Variants in TMEM178A observed in about 807,000 individuals in gnomAD.
TMEM178A encodes the protein transmembrane protein 178.
A neutral mutation model predicts 29.1 loss-of-function variants in TMEM178A; 12 were observed. The ratio of observed to expected loss-of-function variants is 0.41; its 90% CI spans 0.26 to 0.67. TMEM178A has a LOEUF of 0.67. TMEM178A is among the 30% of genes least tolerant of loss of function. The pLI, the probability that TMEM178A is intolerant of heterozygous loss-of-function variation, is 0.29. For missense variants in TMEM178A, 366 were observed against 419.1 expected (o/e 0.87, Z 1.11); for synonymous variants, 210 against 187.2 (o/e 1.12, Z -0.99).
Position 39,666,281 on chromosome 2 carries a change from T to C in TMEM178A, c.307T>C (p.Cys103Arg). The change falls in exon 1 of 4, where the codon TGC becomes CGC. Residue 103 changes from cysteine (C) to arginine (R), a missense_variant. Cys to Arg is a radical substitution (Grantham distance 180, BLOSUM62 -3). This residue lies in a region of TMEM178A where 247 missense variants were observed against 246.8 expected (regional missense o/e 1.00). Transcript: ENST00000281961. ...LLGLGGLDAE[C>R]GRPLFATYSG... ...GGGGCTCGGCGGGCTGGACGCCGAGTGCGGCCGGCCCCTCTTCGCCACCTA... is the reference window on the plus strand; with the variant it reads ...GGGGCTCGGCGGGCTGGACGCCGAGCGCGGCCGGCCCCTCTTCGCCACCTA... 1 of 1,398,842 alleles carries C rather than the reference T, an allele frequency of 7.1e-7. No homozygotes were observed. Among genetic ancestry groups the C allele is most frequent in the Non-Finnish European group, 9.3e-7 (1 of 1,075,534 alleles). 86.7% of individuals were successfully genotyped at this position (1,398,842 alleles called of 1,614,324 possible).
chr2:39,712,527 G>T (rs1465883900), intron 3 of TMEM178A, among the ~76,000 whole-genome samples: 1 of 152,152 alleles, frequency 6.6e-6, no homozygotes, highest in Non-Finnish European at 1.5e-5. Flanking sequence ...TTCTAATTAG[G>T]AATATTGGCA....
intron 3 of TMEM178A, among the ~76,000 whole-genome samples, chr2:39,708,482 G>T (rs1282340174): frequency 7.2e-6 from 1 of 138,318 alleles, no homozygotes; most frequent in Admixed American, 7.9e-5. Flanking sequence ...GCAGTGGCGC[G>T]ATCTCGACTC....
chr2:39,684,423 T>C (rs1670989526), intron 1 of TMEM178A, among the ~76,000 whole-genome samples: 1 of 152,260 alleles, frequency 6.6e-6, no homozygotes, highest in Non-Finnish European at 1.5e-5. Context: ...TCAGTCTTTA[T>C]GCTAATGTAT....
intron 3 of TMEM178A, 84 bp downstream of exon 3, chr2:39,707,270 C>T: frequency 6.9e-7 from 1 of 1,448,462 alleles, no homozygotes; most frequent in Admixed American, 2.7e-5. Flanking sequence ...TTTGTTATCT[C>T]CCTGTTAATT....
chr2:39,726,120 T>C, the TMEM178A span, among the ~76,000 whole-genome samples: 1 of 152,328 alleles, frequency 6.6e-6, no homozygotes, highest in Non-Finnish European at 1.5e-5. Context: ...TTGTTCTTTT[T>C]TCCTTTGTGT....
chr2:39,668,448 C>T (rs992306947), intron 1 of TMEM178A, among the ~76,000 whole-genome samples: 4 of 152,086 alleles, frequency 2.6e-5, no homozygotes, highest in South Asian at 2.1e-4. Context: ...AGATATGGGC[C>T]CCATTGCTGG....
the TMEM178A span, among the ~76,000 whole-genome samples, chr2:39,725,787 C>T: frequency 3.3e-5 from 5 of 152,298 alleles, no homozygotes; most frequent in South Asian, 2.1e-4. Flanking sequence ...GCCTAACATA[C>T]GATTGTAGAC....
At chr2:39,666,980 C>T (rs1351534295) in intron 1 of TMEM178A, among the ~76,000 whole-genome samples, 1 of 152,226 alleles carries the variant, frequency 6.6e-6, no homozygotes, top group East Asian at 1.9e-4. Flanking sequence ...CCTTCATACC[C>T]CTGAAGTGCA....
chr2:39,682,339 G>A (rs1298835942), intron 1 of TMEM178A, among the ~76,000 whole-genome samples: 2 of 151,538 alleles, frequency 1.3e-5, no homozygotes, highest in African/African-American at 4.8e-5. Flanking sequence ...GCAGAGGTTT[G>A]TAGAACTATT....
At chr2:39,668,789 T>A (rs1389956229) in intron 1 of TMEM178A, among the ~76,000 whole-genome samples, 1 of 152,194 alleles carries the variant, frequency 6.6e-6, no homozygotes, top group Non-Finnish European at 1.5e-5. Flanking sequence ...TAGATCTCAG[T>A]TTCATCATCT....
chr2:39,716,976 A>G, intron 3 of TMEM178A, 34 bp from the exon 4 acceptor site: 1 of 1,587,058 alleles, frequency 6.3e-7, no homozygotes, highest in Admixed American at 1.7e-5. Flanking sequence ...GCAAACTGTA[A>G]CTAATCATTC....
chr2:39,670,440 C>G (rs894505986), intron 1 of TMEM178A, among the ~76,000 whole-genome samples: 5 of 152,164 alleles, frequency 3.3e-5, no homozygotes, highest in African/African-American at 1.2e-4. Context: ...TTAGTATTTT[C>G]TAGTGGATTA....
intron 1 of TMEM178A, among the ~76,000 whole-genome samples, chr2:39,679,161 G>GTTA (rs1558445706): frequency 1.3e-5 from 2 of 152,146 alleles, no homozygotes; most frequent in Admixed American, 1.3e-4. Flanking sequence ...TTAAGGCCAG[G>GTTA]GATGGATACC....
intron 1 of TMEM178A, among the ~76,000 whole-genome samples, chr2:39,675,511 A>C (rs535141830): frequency 3.9e-5 from 6 of 152,160 alleles, no homozygotes; most frequent in Non-Finnish European, 7.3e-5. Flanking sequence ...CGTTGACTTA[A>C]CCACCGATAC....
chr2:39,703,214 C>T (rs545730116), intron 1 of TMEM178A, among the ~76,000 whole-genome samples: 2 of 152,240 alleles, frequency 1.3e-5, no homozygotes, highest in African/African-American at 4.8e-5. Flanking sequence ...TTTATCCAAA[C>T]AACTGGCCAA....
downstream of TMEM178A, among the ~76,000 whole-genome samples, chr2:39,719,019 CAT>C (rs992380517): frequency 6.6e-6 from 1 of 152,168 alleles, no homozygotes; most frequent in African/African-American, 2.4e-5. Flanking sequence ...ATGGTGTCCA[CAT>C]ATTGTCATGT....
intron 1 of TMEM178A, chr2:39,698,118 A>T (rs1032874588): frequency 6.6e-6 from 1 of 152,242 alleles, no homozygotes. Context: ...TCAAATTGAC[A>T]GTACATGTAG....
At chr2:39,711,311 G>A (rs1672291234) in intron 3 of TMEM178A, among the ~76,000 whole-genome samples, 1 of 152,172 alleles carries the variant, frequency 6.6e-6, no homozygotes, top group Non-Finnish European at 1.5e-5. Context: ...TATAATTTAA[G>A]TTATAAATCT....
At chr2:39,707,992 G>C (rs983131371) in intron 3 of TMEM178A, among the ~76,000 whole-genome samples, 1 of 152,190 alleles carries the variant, frequency 6.6e-6, no homozygotes, top group Non-Finnish European at 1.5e-5. Context: ...CTATGTACGA[G>C]GCACTGCTGT....
Sources: gnomAD v4.1 joint callset for allele counts (sites outside exome capture counted in the v4.1 genomes callset) on GRCh38, gnomAD v4.1.1 for gene constraint, gnomAD v4.1.1 regional missense constraint, MANE v1.5 for transcripts, NCBI Gene and HGNC (gene_info 2026-07-23, HGNC 2026-07-21) for gene names.